Variants in RGS6 observed in about 807,000 individuals in gnomAD.
RGS6 encodes regulator of G-protein signaling 6.
RGS6 carries 30 observed loss-of-function variants against 78.5 expected under a neutral mutation model. The ratio of observed to expected loss-of-function variants is 0.38; its 90% confidence interval spans 0.29 to 0.52. The LOEUF is 0.52. RGS6 is among the 20% of genes least tolerant of loss of function. RGS6 has a pLI of 0.85. For synonymous variants in RGS6, 206 were observed against 206.0 expected (o/e 1.00, Z 0.00); for missense variants, 495 against 609.7 (o/e 0.81, Z 1.98).
intron 2 of RGS6, among the ~76,000 whole-genome samples, chr14:72,033,050 A>C (rs543221547): frequency 6.6e-6 from 1 of 152,336 alleles, no homozygotes; most frequent in South Asian, 2.1e-4. Context: ...CAATACAACT[A>C]ACCAATTAAG....
intron 2 of RGS6, among the ~76,000 whole-genome samples, chr14:72,166,108 AC>A (rs2096922389): frequency 6.6e-6 from 1 of 150,856 alleles, no homozygotes; most frequent in Admixed American, 6.6e-5. Context: ...ACACACACAC[AC>A]ACACACACAC....
chr14:72,394,936 AC>A (rs2090848478), intron 3 of RGS6, among the ~76,000 whole-genome samples: 1 of 152,186 alleles, frequency 6.6e-6, no homozygotes, highest in Non-Finnish European at 1.5e-5. Flanking sequence ...AATTTGGGGA[AC>A]TAATTAGCGT....
At chr14:72,601,609 G>C in the RGS6 span, among the ~76,000 whole-genome samples, 2 of 152,230 alleles carry the variant, frequency 1.3e-5, no homozygotes, top group African/African-American at 4.8e-5. Context: ...TTAGCACAAA[G>C]AAATGATAAA....
chr14:72,123,996 G>A lies in RGS6; in HGVS notation c.84+159121G>A, dbSNP rs186670742. 2.0e-3 allele frequency among the ~76,000 whole-genome samples: 309 copies of A among 152,250 alleles called. 2 individuals carry two copies. The highest frequency in any genetic ancestry group is 9.7e-4 in the Non-Finnish European group (66 of 68,026). On this transcript the variant is annotated intron_variant, in intron 2 of 17. Coordinates refer to ENST00000553525, the MANE Select transcript of RGS6 (RefSeq NM_001204424.2). ...CCTTAAAATATCAGTAAGTGACAGA[G>A]TATTCGAAGTCACAGTCTATAACAT...
intron 2 of RGS6, among the ~76,000 whole-genome samples, chr14:72,176,959 G>A (rs149655): frequency 0.71 from 107,229 of 152,008 alleles, 37,953 homozygotes; most frequent in East Asian, 0.91. Context: ...AATTTTGCCT[G>A]TTCTTTAACT....
the RGS6 span, among the ~76,000 whole-genome samples, chr14:71,886,289 TTGTC>T: frequency 6.6e-6 from 1 of 152,208 alleles, no homozygotes; most frequent in East Asian, 1.9e-4. Context: ...TAAGAGTTGA[TTGTC>T]TGTCTCTCCC....
intron 12 of RGS6, among the ~76,000 whole-genome samples, chr14:72,489,209 G>C (rs2096543238): frequency 6.7e-6 from 1 of 149,396 alleles, no homozygotes; most frequent in African/African-American, 2.5e-5. Flanking sequence ...CATGGATGCT[G>C]AAATGCCTCA....
chr14:71,872,887 C>A, the RGS6 span, among the ~76,000 whole-genome samples: 2 of 152,110 alleles, frequency 1.3e-5, no homozygotes, highest in African/African-American at 4.8e-5. Context: ...TGAGAACATG[C>A]GGTGTTTGGT....
rs36072896 is a variant in RGS6, at chr14:71,964,030, G to GTT, written c.-20-731_-20-730dup. ...GTATCCTTGCCAAGACTTACTTGAG[G>GTT]TTTTTTTTTTTTAAATTATAATAAT... On this transcript the variant is annotated intron_variant, in intron 1 of 17. Transcript: ENST00000553525. Among the ~76,000 whole-genome samples the GTT allele has an allele frequency of 7.2e-3, 1,062 of 147,536 alleles. 6 individuals carry two copies. The highest frequency in any genetic ancestry group is 0.012 in the Non-Finnish European group (777 of 66,664).
intron 2 of RGS6, among the ~76,000 whole-genome samples, chr14:72,196,867 T>C (rs2040293668): frequency 6.6e-6 from 1 of 152,190 alleles, no homozygotes; most frequent in Admixed American, 6.5e-5. Context: ...TCATGCTAAG[T>C]GTTGATGGGA....
At chr14:72,127,944 T>G (rs2096239141) in intron 2 of RGS6, among the ~76,000 whole-genome samples, 1 of 152,206 alleles carries the variant, frequency 6.6e-6, no homozygotes, top group Non-Finnish European at 1.5e-5. Context: ...GAGATTTTTT[T>G]TTCCCTCAGC....
At chr14:72,580,485 C>G in the RGS6 span, among the ~76,000 whole-genome samples, 1 of 152,266 alleles carries the variant, frequency 6.6e-6, no homozygotes, top group Admixed American at 6.5e-5. Context: ...CAGCCATCTG[C>G]CTTTCCTCCA....
At chr14:72,510,048 C>A in intron 13 of RGS6, 106 bp from the exon 14 acceptor site, 1 of 1,295,362 alleles carries the variant, frequency 7.7e-7, no homozygotes. Context: ...TGAGATGTTT[C>A]CCTTTGGTGA....
chr14:72,551,910 G>A (rs888774572), intron 17 of RGS6, among the ~76,000 whole-genome samples: 8 of 152,224 alleles, frequency 5.3e-5, no homozygotes, highest in African/African-American at 1.9e-4. Flanking sequence ...ATCCATAAAA[G>A]GGAGATAAGA....
At chr14:72,569,541 G>A (rs1397331731), downstream of RGS6, among the ~76,000 whole-genome samples, 6 of 152,112 alleles carry the variant, frequency 3.9e-5, no homozygotes, top group Non-Finnish European at 5.9e-5. Context: ...TTAGCTCGGC[G>A]TGGTGGCAGG....
chr14:72,034,337 AT>A (rs2091363750), intron 2 of RGS6, among the ~76,000 whole-genome samples: 1 of 149,842 alleles, frequency 6.7e-6, no homozygotes, highest in African/African-American at 2.4e-5. Context: ...TCTTGAGGTA[AT>A]TTCTTTCTAT....
intron 2 of RGS6, chr14:71,990,413 G>C (rs923912102): frequency 1.4e-5 from 5 of 360,396 alleles, no homozygotes; most frequent in Middle Eastern, 4.1e-4. Context: ...TCAGTAAAAG[G>C]TTGAAAAGTT....
intron 12 of RGS6, among the ~76,000 whole-genome samples, chr14:72,478,753 C>A (rs984408582): frequency 6.6e-6 from 1 of 152,172 alleles, no homozygotes; most frequent in African/African-American, 2.4e-5. Flanking sequence ...ACTGGATCAT[C>A]GGGAAGTGTT....
At position 72,188,082 on chromosome 14, in the gene RGS6, T is replaced by C. The variant is rs76450395; in HGVS notation, c.85-164013T>C. Among the ~76,000 whole-genome samples, 439 of 152,106 alleles carry C rather than the reference T, an allele frequency of 2.9e-3. 1 individual carries two copies. Among genetic ancestry groups the C allele is most frequent in the African/African-American group, 0.01 (425 of 41,502 alleles). ...AAATGGTCCAAGGATAGTGCCAGCC[T>C]ACTGTCCAGTGTTCCTAAGTGCAAG... On this transcript the variant is annotated intron_variant, in intron 2 of 17. Transcript: ENST00000553525.
Sources: gnomAD v4.1 joint callset for allele counts (sites outside exome capture counted in the v4.1 genomes callset) on GRCh38, gnomAD v4.1.1 for gene constraint, MANE v1.5 for transcripts, NCBI Gene and HGNC (gene_info 2026-07-23, HGNC 2026-07-21) for gene names.